Variants in NPHS2 observed in about 807,000 individuals in gnomAD.
The protein encoded by NPHS2 is podocin.
NPHS2 carries 36 observed loss-of-function variants against 37.1 expected under a neutral mutation model. The observed-to-expected ratio is 0.97, with a 90% CI of 0.74 to 1.28. NPHS2 has a LOEUF of 1.28. NPHS2 is among the 50% of genes most tolerant of loss of function. The pLI, the probability that NPHS2 is intolerant of heterozygous loss-of-function variation, is 0.00. For missense variants in NPHS2, 447 were observed against 488.1 expected, an observed-to-expected ratio of 0.92 and a Z score of 0.79; for synonymous variants, 196 against 189.3, an observed-to-expected ratio of 1.04 and a Z score of -0.29.
chr1:179,552,949 G>A (rs1558339770), intron 6 of NPHS2, among the ~76,000 whole-genome samples: 1 of 152,184 alleles, frequency 6.6e-6, no homozygotes, highest in Non-Finnish European at 1.5e-5. Flanking sequence ...TTGATGAGCT[G>A]TGCTCAGTTT....
Position 179,554,730 on chromosome 1 carries a change from A to G in NPHS2, c.739-199T>C, listed in dbSNP as rs148224383. On this transcript the variant is annotated intron_variant, in intron 5 of 7. Coordinates refer to ENST00000367615, the MANE Select transcript of NPHS2 (RefSeq NM_014625.4). Reference sequence around the variant, plus strand: ...GTGCCACCCAATAAATATCTGTGCAATTGAAGATGGTGTGGTATGCTGAAT... The same window carrying G: ...GTGCCACCCAATAAATATCTGTGCAGTTGAAGATGGTGTGGTATGCTGAAT... 9.3e-5 allele frequency: 64 copies of G among 684,582 alleles called. No individual in the cohort carries two copies. The East Asian group carries it at 1.8e-3, about 19-fold the overall frequency. The allele number at this position is 684,582 out of a possible 1,614,324, so 42.4% of individuals were successfully genotyped here.
rs1289258360 is a variant in NPHS2, at chr1:179,575,662, T to C, written c.203A>G (p.Asp68Gly). 2 of 1,603,302 alleles carry C rather than the reference T, an allele frequency of 1.2e-6. No individual in the cohort carries two copies. The highest frequency in any genetic ancestry group is 2.2e-5 in the South Asian group (2 of 90,930). ...RAPAATVVDV[D>G]EVRGSGEEGT... is the part of the protein sequence containing the mutation. ...CTCCTCGCCGGAGCCTCGGACCTCA[T>C]CCACGTCCACCACCGTGGCGGCGGG... The change falls in exon 1 of 8, where the codon GAT becomes GGT. Residue 68 changes from aspartate (D) to glycine (G), a missense_variant. Transcript: ENST00000367615.
chr1:179,561,505 A>C, intron 2 of NPHS2, 144 bp from the exon 3 acceptor site: 1 of 653,262 alleles, frequency 1.5e-6, no homozygotes, highest in Non-Finnish European at 2.7e-6. Context: ...AGTTTCCAAA[A>C]TCTATATTTA....
At position 179,556,773 on chromosome 1, in the gene NPHS2, A is replaced by G. The variant is rs1201159353; in HGVS notation, c.738+254T>C. On this transcript the variant is annotated intron_variant, in intron 5 of 7. Coordinates refer to ENST00000367615, the MANE Select transcript of NPHS2 (RefSeq NM_014625.4). This position sits in a 1 kb window ranked among gnomAD's most constrained non-coding sequence, Gnocchi z 4.1. The stretch of plus-strand genomic sequence containing the variant: ...TCTGAATACTTAATACTAGGTGAGT[A>G]CTTGGAGATGAATTTAAAGTCACTG... Among the ~76,000 whole-genome samples, 1 of 152,146 alleles carries G rather than the reference A, an allele frequency of 6.6e-6. No homozygotes were observed. The highest frequency in any genetic ancestry group is 1.5e-5 in the Non-Finnish European group (1 of 68,028).
intron 2 of NPHS2, among the ~76,000 whole-genome samples, chr1:179,564,437 G>T (rs1342641912): frequency 1.3e-5 from 2 of 152,208 alleles, no homozygotes; most frequent in Non-Finnish European, 2.9e-5. Flanking sequence ...CATGGTAAGT[G>T]TTAGAACAAA....
intron 6 of NPHS2, 77 bp from the exon 7 acceptor site, chr1:179,552,758 C>T: frequency 9.1e-7 from 1 of 1,093,958 alleles, no homozygotes; most frequent in Non-Finnish European, 1.4e-6. Flanking sequence ...GACTTGCAAG[C>T]CTCTCTACTG....
At chr1:179,570,151 C>T (rs1263257667) in intron 1 of NPHS2, among the ~76,000 whole-genome samples, 1 of 152,144 alleles carries the variant, frequency 6.6e-6, no homozygotes, top group Admixed American at 6.5e-5. Context: ...GCAACTTGGT[C>T]CATTCTCCCC....
At position 179,575,836 on chromosome 1, in the gene NPHS2, C is replaced by G. The variant is rs920479356; in HGVS notation, c.29G>C (p.Arg10Thr). The change falls in exon 1 of 8, where the codon AGG (arginine) becomes ACG (threonine). Residue 10 changes from arginine (R) to threonine (T), a missense_variant. By Grantham distance (71) the Arg-to-Thr change is moderately conservative (BLOSUM62 -1). Coordinates refer to ENST00000367615, the MANE Select transcript of NPHS2 (RefSeq NM_014625.4). Reference protein sequence around the residue: MERRARSSSRESRGRGGRTP... With the variant: MERRARSSSTESRGRGGRTP... Reference sequence around the variant, plus strand: ...CCTGCCGCCTCGCCCGCGGGACTCCCTGGAGGAGCTCCGCGCCCTCCTCTC... The same window carrying G: ...CCTGCCGCCTCGCCCGCGGGACTCCGTGGAGGAGCTCCGCGCCCTCCTCTC... 8.3e-6 allele frequency: 12 copies of G among 1,442,034 alleles called. No homozygotes were observed. The highest frequency in any genetic ancestry group is 3.0e-5 in the African/African-American group (2 of 67,206). 89.3% of individuals were successfully genotyped at this position (1,442,034 alleles called of 1,614,324 possible).
At chr1:179,557,883 G>A (rs956464356) in intron 4 of NPHS2, among the ~76,000 whole-genome samples, 11 of 151,902 alleles carry the variant, frequency 7.2e-5, no homozygotes, top group Non-Finnish European at 1.0e-4. Flanking sequence ...TATATTGTTG[G>A]GTTAAGAAAG....
chr1:179,571,556 T>C lies in NPHS2; in HGVS notation c.274+4035A>G, dbSNP rs1254935114. Among the ~76,000 whole-genome samples, 6 of 152,210 alleles carry C rather than the reference T, an allele frequency of 3.9e-5. No individual in the cohort carries two copies. In the East Asian group the frequency reaches 1.2e-3, roughly 29 times the overall value. Reference sequence around the variant, plus strand: ...CCACTTGAGGGGGCAGTCTGTCCATTCTCAGAGCTCAAACGCTGTGCTGGG... The same window carrying C: ...CCACTTGAGGGGGCAGTCTGTCCATCCTCAGAGCTCAAACGCTGTGCTGGG... On this transcript the variant is annotated intron_variant, in intron 1 of 7. Transcript: ENST00000367615.
chr1:179,552,795 G>A, intron 6 of NPHS2, 114 bp from the exon 7 acceptor site: 1 of 795,816 alleles, frequency 1.3e-6, no homozygotes, highest in Admixed American at 2.0e-5. Context: ...AGCAAATTTG[G>A]AGTGACCAGA....
chr1:179,571,802 C>T (rs994199560), intron 1 of NPHS2, among the ~76,000 whole-genome samples: 5 of 152,224 alleles, frequency 3.3e-5, no homozygotes, highest in South Asian at 2.1e-4. Flanking sequence ...AGCGAGGCTG[C>T]GGCCTCGCAG....
chr1:179,565,074 C>T (rs1674283912), intron 1 of NPHS2, among the ~76,000 whole-genome samples: 1 of 151,866 alleles, frequency 6.6e-6, no homozygotes, highest in African/African-American at 2.4e-5. Flanking sequence ...AGTTCAAGAT[C>T]AGCCTGGGCA....
chr1:179,561,443 T>TA, intron 2 of NPHS2, 82 bp from the exon 3 acceptor site: 1 of 1,077,422 alleles, frequency 9.3e-7, no homozygotes, highest in Non-Finnish European at 1.4e-6. Flanking sequence ...TGATCCTAGA[T>TA]ATCAGAAATT....
chr1:179,572,204 G>A (rs141403756), intron 1 of NPHS2, among the ~76,000 whole-genome samples: 91 of 152,246 alleles, frequency 6.0e-4, no homozygotes, highest in African/African-American at 1.6e-3. Flanking sequence ...TCTTCTGTCC[G>A]GTTTGTTTTA....
At chr1:179,558,863 G>T (rs991915003) in intron 4 of NPHS2, among the ~76,000 whole-genome samples, 3 of 152,074 alleles carry the variant, frequency 2.0e-5, no homozygotes, top group Non-Finnish European at 4.4e-5. Context: ...TCATATGCTT[G>T]TTGCCCATTT....
chr1:179,555,545 T>A (rs1201306800), intron 5 of NPHS2, among the ~76,000 whole-genome samples: 1 of 152,326 alleles, frequency 6.6e-6, no homozygotes, highest in East Asian at 1.9e-4. Flanking sequence ...GTAAGCATAG[T>A]GCATTGAGAA....
intron 1 of NPHS2, 27 bp from the exon 2 acceptor site, chr1:179,564,820 A>G (rs1374219439): frequency 6.4e-7 from 1 of 1,560,476 alleles, no homozygotes; most frequent in Non-Finnish European, 8.8e-7. Flanking sequence ...CAAAAGAATA[A>G]TTATATTGAA....
chr1:179,558,857 A>G (rs112678800), intron 4 of NPHS2, among the ~76,000 whole-genome samples: 4,611 of 152,262 alleles, frequency 0.03, 221 homozygotes, highest in African/African-American at 0.1. Flanking sequence ...ATCTTTTCAT[A>G]TGCTTGTTGC....
Sources: gnomAD v4.1 joint callset for allele counts (sites outside exome capture counted in the v4.1 genomes callset) on GRCh38, gnomAD v4.1.1 for gene constraint, Gnocchi (gnomAD v3.1) non-coding constraint, MANE v1.5 for transcripts, NCBI Gene and HGNC (gene_info 2026-07-23, HGNC 2026-07-21) for gene names.